Variants in ZFPM1 observed in about 807,000 individuals in gnomAD.
The protein encoded by ZFPM1 is zinc finger protein ZFPM1.
ZFPM1 carries 28 observed loss-of-function variants against 46.3 expected under a neutral mutation model. The observed-to-expected ratio is 0.60, with a 90% CI of 0.45 to 0.83. The LOEUF (loss-of-function observed/expected upper bound fraction) is 0.83, where lower values mean the gene tolerates loss of function less well. ZFPM1 is among the 40% of genes least tolerant of loss of function. ZFPM1 has a pLI of 0.00. For missense variants in ZFPM1, 1,878 were observed against 1,432.4 expected, an observed-to-expected ratio of 1.31 and a Z score of -5.02; for synonymous variants, 957 against 675.9, an observed-to-expected ratio of 1.42 and a Z score of -6.45.
At chr16:88,461,919 G>C (rs767495457) in intron 1 of ZFPM1, among the ~76,000 whole-genome samples, 7 of 152,230 alleles carry the variant, frequency 4.6e-5, no homozygotes, top group Non-Finnish European at 8.8e-5. Context: ...TATGTGACGT[G>C]GGAGCTGGGG....
chr16:88,496,417 C>T lies in ZFPM1; in HGVS notation c.268+7264C>T, dbSNP rs555998606. ...GTGCACCACTGAGGCTCAGCCCTGGCCTGTGCAGTTCCCGGGCAAGCAATC... is the reference window on the plus strand; with the variant it reads ...GTGCACCACTGAGGCTCAGCCCTGGTCTGTGCAGTTCCCGGGCAAGCAATC... On this transcript the variant is annotated intron_variant, in intron 3 of 9. Coordinates refer to ENST00000319555, the MANE Select transcript of ZFPM1 (RefSeq NM_153813.3). 2.0e-5 allele frequency among the ~76,000 whole-genome samples: 3 copies of T among 152,166 alleles called. No homozygotes were observed. In the East Asian group the frequency reaches 5.8e-4, roughly 30 times the overall value.
rs1039808485 is a variant in ZFPM1, at chr16:88,471,621, A to G, written c.41-14318A>G. Among the ~76,000 whole-genome samples the G allele has an allele frequency of 1.3e-4, 19 of 151,826 alleles. No homozygotes were observed. The highest frequency in any genetic ancestry group is 2.4e-4 in the Non-Finnish European group (16 of 67,940). ...GATGATCGTGGCTGTAGCGGCTCCC[A>G]CTCACAGAGGTGGGGTCAGGGCCCC... is the stretch of plus-strand genomic sequence containing the variant. On this transcript the variant is annotated intron_variant, in intron 1 of 9. Coordinates refer to ENST00000319555, the MANE Select transcript of ZFPM1 (RefSeq NM_153813.3). This position sits in a 1 kb window ranked among gnomAD's most constrained non-coding sequence, Gnocchi z 4.1.
At position 88,534,419 on chromosome 16, in the gene ZFPM1, G is replaced by A; in HGVS notation, c.2461G>A (p.Ala821Thr). 1 of 1,490,418 alleles carries A rather than the reference G, an allele frequency of 6.7e-7. No individual in the cohort carries two copies. The highest frequency in any genetic ancestry group is 8.9e-7 in the Non-Finnish European group (1 of 1,127,174). The allele number at this position is 1,490,418 out of a possible 1,614,324, so 92.3% of individuals were successfully genotyped here. Residue 821 changes from alanine to threonine, a missense_variant, in exon 10 of 10, where the codon GCC (alanine) becomes ACC (threonine). Coordinates refer to ENST00000319555, the MANE Select transcript of ZFPM1 (RefSeq NM_153813.3). ...GCTGGCCGACTACCACGAGTGCACGGCCTGCCGCGTGAGCTTCCACAGCCT... is the reference window on the plus strand; with the variant it reads ...GCTGGCCGACTACCACGAGTGCACGACCTGCCGCGTGAGCTTCCACAGCCT... Reference protein sequence around the residue: ...PALADYHECTACRVSFHSLEA... With the variant: ...PALADYHECTTCRVSFHSLEA...
rs745542482 is a variant in ZFPM1, at chr16:88,471,284, C to G, written c.41-14655C>G. On this transcript the variant is annotated intron_variant, in intron 1 of 9. Transcript: ENST00000319555. The surrounding 1 kb of genome is among the most constrained non-coding windows in gnomAD (Gnocchi z 4.1). ...CAGCCATGTGTGACCTCCACCCTCG[C>G]GAAGGCCAGCGGCCGCAGGGTCTGG... is the stretch of plus-strand genomic sequence containing the variant. 1.3e-5 allele frequency among the ~76,000 whole-genome samples: 2 copies of G among 152,250 alleles called. No individual in the cohort carries two copies. Among genetic ancestry groups the G allele is most frequent in the East Asian group, 3.8e-4 (2 of 5,198 alleles).
intron 3 of ZFPM1, among the ~76,000 whole-genome samples, chr16:88,508,153 C>T (rs1297701818): frequency 3.3e-5 from 5 of 152,104 alleles, no homozygotes; most frequent in East Asian, 1.9e-4. Flanking sequence ...AAAAATTAAC[C>T]GGGTGCGGTG....
chr16:88,510,333 C>T (rs983210399), intron 3 of ZFPM1, among the ~76,000 whole-genome samples: 1 of 152,218 alleles, frequency 6.6e-6, no homozygotes, highest in South Asian at 2.1e-4. Flanking sequence ...CAGCCAGGTT[C>T]CCCACTCTGT....
intron 1 of ZFPM1, among the ~76,000 whole-genome samples, chr16:88,462,800 G>A (rs116525957): frequency 9.2e-5 from 14 of 152,018 alleles, no homozygotes; most frequent in East Asian, 3.8e-4. Context: ...CCCGGTCTTC[G>A]TGCAAGTCAC....
chr16:88,519,130 G>GTGGATGGA (rs545032519), intron 4 of ZFPM1, among the ~76,000 whole-genome samples: 2 of 121,156 alleles, frequency 1.7e-5, no homozygotes, highest in Non-Finnish European at 3.4e-5. Context: ...GGATGGATGG[G>GTGGATGGA]TGGATGGATG....
At chr16:88,518,640 GATGGATGGATAGATAT>G (rs1433829011) in intron 4 of ZFPM1, among the ~76,000 whole-genome samples, 2 of 150,484 alleles carry the variant, frequency 1.3e-5, no homozygotes, top group African/African-American at 4.9e-5. Flanking sequence ...TAACCAGGTG[GATGGATGGATAGATAT>G]ATGGGTGGAT....
intron 1 of ZFPM1, among the ~76,000 whole-genome samples, chr16:88,476,561 A>G (rs546227410): frequency 6.6e-6 from 1 of 152,078 alleles, no homozygotes; most frequent in East Asian, 1.9e-4. Flanking sequence ...TTCGGAAACC[A>G]GGTGGGAGCT....
In ZFPM1 at chr16:88,535,940, A is replaced by G. The variant is rs534913889; in HGVS notation, c.*961A>G. ...CGTGCTTTCTCACTGGAGAACAAAA[A>G]CACTCTTCTATTCCCAACGTCACTT... On this transcript the variant is annotated 3_prime_UTR_variant, in exon 10 of 10. Transcript: ENST00000319555. The G allele has an allele frequency of 1.3e-5, 2 of 152,258 alleles. No individual in the cohort carries two copies. Among genetic ancestry groups the G allele is most frequent in the East Asian group, 3.9e-4 (2 of 5,174 alleles). The allele number at this position is 152,258 out of a possible 1,614,324, so 9.4% of individuals were successfully genotyped here. A position where few individuals can be genotyped will look rare whatever the true frequency, so the allele number is the denominator to read the frequency against.
At chr16:88,494,151 C>T (rs1174880080) in intron 3 of ZFPM1, among the ~76,000 whole-genome samples, 1 of 152,124 alleles carries the variant, frequency 6.6e-6, no homozygotes, top group South Asian at 2.1e-4. Context: ...TCGGCTGCCC[C>T]GGGGCGGCCT....
chr16:88,532,484 G>A, intron 7 of ZFPM1, 130 bp from the exon 8 acceptor site: 1 of 970,126 alleles, frequency 1.0e-6, no homozygotes, highest in Non-Finnish European at 1.5e-6. Context: ...GGAGGAGGAG[G>A]GGTTTAAAGA....
At chr16:88,475,947 A>T (rs1597236235) in intron 1 of ZFPM1, among the ~76,000 whole-genome samples, 1 of 152,034 alleles carries the variant, frequency 6.6e-6, no homozygotes, top group Non-Finnish European at 1.5e-5. Context: ...CACCAGGTCC[A>T]CCCCTCGGTT....
chr16:88,459,414 C>T (rs1166155912), intron 1 of ZFPM1, among the ~76,000 whole-genome samples: 1 of 152,200 alleles, frequency 6.6e-6, no homozygotes, highest in African/African-American at 2.4e-5. Context: ...TCCGTTTTCC[C>T]ATCTGCAAAG....
At chr16:88,454,175 A>G (rs1907429268) in intron 1 of ZFPM1, among the ~76,000 whole-genome samples, 3 of 151,856 alleles carry the variant, frequency 2.0e-5, no homozygotes, top group African/African-American at 7.3e-5. Context: ...GGCAGAGGGG[A>G]CACCCGGGGC....
chr16:88,490,194 C>CAGG (rs1439240246), intron 3 of ZFPM1, among the ~76,000 whole-genome samples: 9 of 152,088 alleles, frequency 5.9e-5, no homozygotes, highest in African/African-American at 1.9e-4. Context: ...GCTGGGACTA[C>CAGG]AGGTGCCTGC....
intron 3 of ZFPM1, among the ~76,000 whole-genome samples, chr16:88,503,898 G>A (rs1021682211): frequency 6.6e-6 from 1 of 151,960 alleles, no homozygotes; most frequent in Non-Finnish European, 1.5e-5. Flanking sequence ...GGGTCAGTGA[G>A]GGCTCAGGGC....
intron 4 of ZFPM1, 125 bp from the exon 5 acceptor site, chr16:88,526,689 A>G: frequency 9.5e-7 from 1 of 1,050,366 alleles, no homozygotes; most frequent in South Asian, 1.5e-5. Context: ...ATGACTGTCC[A>G]CAGCTTGGCC....
Sources: allele counts gnomAD v4.1 joint callset (sites outside exome capture counted in the v4.1 genomes callset), GRCh38; gene constraint gnomAD v4.1.1; non-coding constraint Gnocchi (gnomAD v3.1); transcripts MANE v1.5; gene names NCBI Gene and HGNC (gene_info 2026-07-23, HGNC 2026-07-21).